Variants in DYSF observed in about 807,000 individuals in gnomAD.
The protein encoded by DYSF is dysferlin.
Under a neutral mutation model 274.9 loss-of-function variants are expected in DYSF, and 212 were observed. The observed-to-expected ratio is 0.77, with a 90% CI of 0.69 to 0.86. The LOEUF is 0.86. Ranked by LOEUF, DYSF falls within the 40% of genes least tolerant of loss-of-function variation. The pLI is 0.00. For missense variants in DYSF, 2,666 were observed against 2,783.2 expected (o/e 0.96, Z 0.95); for synonymous variants, 1,091 against 1,078.7 (o/e 1.01, Z -0.22).
chr2:71,682,438 G>A, intron 54 of DYSF, 92 bp from the exon 55 acceptor site: 1 of 1,534,290 alleles, frequency 6.5e-7, no homozygotes, highest in Non-Finnish European at 9.0e-7. Flanking sequence ...ACTGTGGAGG[G>A]CCAGGCCATT....
chr2:71,674,782 C>T (rs1379809692), intron 52 of DYSF, among the ~76,000 whole-genome samples: 2 of 152,052 alleles, frequency 1.3e-5, no homozygotes, highest in African/African-American at 4.8e-5. Flanking sequence ...GACTGGGGAG[C>T]AGGGAGGCTG....
intron 16 of DYSF, among the ~76,000 whole-genome samples, chr2:71,537,617 C>G (rs2089514548): frequency 6.6e-6 from 1 of 152,148 alleles, no homozygotes; most frequent in Non-Finnish European, 1.5e-5. Flanking sequence ...TTCATTCTTC[C>G]TAATGTAGTG....
In DYSF at chr2:71,574,195, C is replaced by T. The variant is rs1391588803; in HGVS notation, c.3229-3C>T. On this transcript the variant is annotated splice_polypyrimidine_tract_variant and splice_region_variant and intron_variant, in intron 29 of 55. Coordinates refer to ENST00000410020, the MANE Select transcript of DYSF (RefSeq NM_001130987.2). ...CTCTGAGTCTGCCCCTTCTCTTGTG[C>T]AGCACAGGCAGGCGGAGGCGGAGGG... 6.2e-7 allele frequency: 1 copy of T among 1,612,598 alleles called. No homozygotes were observed. The highest frequency in any genetic ancestry group is 1.7e-5 in the Admixed American group (1 of 59,964).
Position 71,601,759 on chromosome 2 carries a change from T to G in DYSF, c.3927+231T>G, listed in dbSNP as rs990757698. ...AGTCCAAGAACCACAGAATCCCAGA[T>G]GGAAGGATCCTCATAATTGTCCAGC... On this transcript the variant is annotated intron_variant, in intron 35 of 55. Transcript: ENST00000410020. Among the ~76,000 whole-genome samples, 6 of 152,190 alleles carry G rather than the reference T, an allele frequency of 3.9e-5. No homozygotes were observed. The South Asian group carries it at 1.2e-3, about 32-fold the overall frequency.
At chr2:71,556,169 C>A in intron 22 of DYSF, 98 bp downstream of exon 22, 1 of 1,016,262 alleles carries the variant, frequency 9.8e-7, no homozygotes, top group Non-Finnish European at 1.5e-6. Context: ...AGTGGCACGT[C>A]TCCCAGCCAC....
At chr2:71,591,975 C>T (rs1009191915) in intron 32 of DYSF, among the ~76,000 whole-genome samples, 2 of 152,270 alleles carry the variant, frequency 1.3e-5, no homozygotes, top group Non-Finnish European at 2.9e-5. Flanking sequence ...CCAGGCCAGA[C>T]AGGCATCTGC....
intron 1 of DYSF, among the ~76,000 whole-genome samples, chr2:71,469,413 G>T (rs1319789671): frequency 1.3e-5 from 2 of 151,366 alleles, no homozygotes; most frequent in East Asian, 3.9e-4. Flanking sequence ...CATAGGTGTT[G>T]TTTCTGTCAA....
Position 71,598,664 on chromosome 2 carries a change from G to C in DYSF, c.3675G>C (p.Glu1225Asp). The C allele has an allele frequency of 1.2e-6, 2 of 1,614,138 alleles. No homozygotes were observed. The highest frequency in any genetic ancestry group is 1.1e-5 in the South Asian group (1 of 91,090). ...GGGACCAGACGCTCATCTTCTACGAGATCGAGATCTTTGGCGAGCCGGCCA... is the reference window on the plus strand; with the variant it reads ...GGGACCAGACGCTCATCTTCTACGACATCGAGATCTTTGGCGAGCCGGCCA... ...PTWDQTLIFY[E>D]IEIFGEPATV... is the part of the protein sequence containing the mutation. The change falls in exon 33 of 56, where the codon GAG (glutamate) becomes GAC (aspartate). Residue 1225 changes from glutamate to aspartate, a missense_variant. By Grantham distance (45) the Glu-to-Asp change is conservative. Around this residue, in one of 3 missense-constraint regions of DYSF, gnomAD observed 1,460 missense variants for 1,502.1 expected, o/e 0.97. Transcript: ENST00000410020.
intron 45 of DYSF, among the ~76,000 whole-genome samples, chr2:71,662,795 CTGTG>C (rs567241186): frequency 8.0e-4 from 111 of 138,716 alleles, no homozygotes; most frequent in Non-Finnish European, 1.4e-3. Context: ...GTGTTTGTGT[CTGTG>C]TGTCTGTGTG....
At chr2:71,574,052 C>T (rs2092614990) in intron 29 of DYSF, 146 bp from the exon 30 acceptor site, 1 of 965,136 alleles carries the variant, frequency 1.0e-6, no homozygotes, top group Admixed American at 2.3e-5. Context: ...TCTAGGTGGC[C>T]CTCCCAGGTT....
chr2:71,535,467 T>C (rs1279744558), intron 16 of DYSF, among the ~76,000 whole-genome samples, 156 bp downstream of exon 16: 2 of 151,812 alleles, frequency 1.3e-5, no homozygotes, highest in Non-Finnish European at 2.9e-5. Context: ...GGAGAGGGTG[T>C]GGGCAGTTCC....
At chr2:71,517,854 C>A (rs1047255117) in intron 10 of DYSF, among the ~76,000 whole-genome samples, 3 of 152,154 alleles carry the variant, frequency 2.0e-5, no homozygotes, top group African/African-American at 7.2e-5. Flanking sequence ...GGTAAGTGTT[C>A]TGACAAAAAG....
chr2:71,520,411 G>A (rs142048833), intron 11 of DYSF, among the ~76,000 whole-genome samples: 56 of 152,318 alleles, frequency 3.7e-4, no homozygotes, highest in African/African-American at 1.3e-3. Context: ...GTCTCCGTTG[G>A]CCCATTCAGG....
intron 1 of DYSF, among the ~76,000 whole-genome samples, chr2:71,467,317 T>G (rs1404129541): frequency 6.6e-6 from 1 of 151,888 alleles, no homozygotes; most frequent in Non-Finnish European, 1.5e-5. Flanking sequence ...GTAGATGATG[T>G]GCTTTGAAAG....
rs267599440 is a variant in DYSF, at chr2:71,570,279, G to T, written c.3030G>T (p.Trp1010Cys). ...PKDDIECPLGWKWEDEEWSTD... is the reference protein window; with the variant it reads ...PKDDIECPLGCKWEDEEWSTD... ...ATGACATTGAGTGCCCACTGGGCTG[G>T]AAGTGGGAAGATGAGGAATGGTCCA... Residue 1010 changes from tryptophan to cysteine, a missense_variant, in exon 28 of 56, where the codon TGG becomes TGT. Physicochemically the swap from Trp to Cys is radical, Grantham distance 215 (BLOSUM62 -2). Coordinates refer to ENST00000410020, the MANE Select transcript of DYSF (RefSeq NM_001130987.2). 6.2e-7 allele frequency: 1 copy of T among 1,614,184 alleles called. No homozygotes were observed. Among genetic ancestry groups the T allele is most frequent in the Non-Finnish European group, 8.5e-7 (1 of 1,180,034 alleles).
At chr2:71,499,695 C>T (rs536942626) in intron 3 of DYSF, among the ~76,000 whole-genome samples, 12 of 152,356 alleles carry the variant, frequency 7.9e-5, no homozygotes, top group African/African-American at 2.9e-4. Flanking sequence ...TTCCCTTGCC[C>T]ATGCCAGTTC....
chr2:71,512,142 C>T (rs752728266), intron 5 of DYSF, among the ~76,000 whole-genome samples: 23 of 152,196 alleles, frequency 1.5e-4, no homozygotes, highest in Non-Finnish European at 5.9e-5. Flanking sequence ...TTCCCTTGGG[C>T]GGTGCAGGGA....
At position 71,481,056 on chromosome 2, in the gene DYSF, G is replaced by A. The variant is rs1299556962; in HGVS notation, c.147+118G>A. On this transcript the variant is annotated intron_variant, in intron 2 of 55. Coordinates refer to ENST00000410020, the MANE Select transcript of DYSF (RefSeq NM_001130987.2). ...AGCAGTGTCCTTGAGGTGGGGAGGG[G>A]CTGGTGGTCCAGCCTGCCAACGAAA... The A allele has an allele frequency of 1.3e-5, 14 of 1,038,768 alleles. No individual in the cohort carries two copies. The Admixed American group carries it at 2.1e-4, about 16-fold the overall frequency. The allele number at this position is 1,038,768 out of a possible 1,614,324, so 64.3% of individuals were successfully genotyped here. A position where few individuals can be genotyped will look rare whatever the true frequency, so the allele number is the denominator to read the frequency against.
chr2:71,484,148 G>C (rs558355174), intron 3 of DYSF, among the ~76,000 whole-genome samples: 1 of 145,880 alleles, frequency 6.9e-6, no homozygotes, highest in Admixed American at 7.2e-5. Context: ...CACCTCCCAG[G>C]TTCAAGCGAT....
Sources: allele counts gnomAD v4.1 joint callset (sites outside exome capture counted in the v4.1 genomes callset), GRCh38; gene constraint gnomAD v4.1.1; regional missense constraint gnomAD v4.1.1; transcripts MANE v1.5; gene names NCBI Gene and HGNC (gene_info 2026-07-23, HGNC 2026-07-21).